The following MCOLN2 variants were observed in gnomAD, a reference collection of about 807,000 sequenced individuals.
MCOLN2 encodes the protein mucolipin-2.
In MCOLN2, 57 loss-of-function variants were observed where a neutral mutation model predicts 67.5. The observed-to-expected ratio is 0.84, with a 90% CI of 0.68 to 1.05. MCOLN2 has a LOEUF of 1.05. Among genes scored for constraint, MCOLN2 ranks in the 50% least tolerant of loss-of-function variants. The pLI, the probability that MCOLN2 is intolerant of heterozygous loss-of-function variation, is 0.00. For synonymous variants in MCOLN2, 246 were observed against 233.3 expected, an observed-to-expected ratio of 1.05 and a Z score of -0.50; for missense variants, 620 against 678.8, an observed-to-expected ratio of 0.91 and a Z score of 0.96.
chr1:84,963,824 C>A (rs1649229052), intron 2 of MCOLN2, among the ~76,000 whole-genome samples: 1 of 152,186 alleles, frequency 6.6e-6, no homozygotes, highest in Non-Finnish European at 1.5e-5. Flanking sequence ...ATCTTTTCTT[C>A]ATAAATTACC....
intron 1 of MCOLN2, among the ~76,000 whole-genome samples, chr1:84,972,876 T>C (rs1450757590): frequency 2.6e-5 from 4 of 152,168 alleles, no homozygotes; most frequent in African/African-American, 9.7e-5. Flanking sequence ...GGAAAATGAA[T>C]ACACCAGTTT....
At chr1:84,928,270 G>A (rs1210430005) in intron 13 of MCOLN2, among the ~76,000 whole-genome samples, 1 of 151,994 alleles carries the variant, frequency 6.6e-6, no homozygotes, top group Non-Finnish European at 1.5e-5. Context: ...TCTTCATGAG[G>A]GGCAGACCCT....
intron 1 of MCOLN2, among the ~76,000 whole-genome samples, chr1:84,979,524 G>A (rs1650155720): frequency 6.6e-6 from 1 of 152,144 alleles, no homozygotes; most frequent in Non-Finnish European, 1.5e-5. Context: ...TTCAACATAT[G>A]CAAATCAATC....
Sources: allele counts gnomAD v4.1 joint callset (sites outside exome capture counted in the v4.1 genomes callset), GRCh38; gene constraint gnomAD v4.1.1; transcripts MANE v1.5; gene names NCBI Gene and HGNC (gene_info 2026-07-23, HGNC 2026-07-21).